NFATC1: variants seen among roughly 807,000 people sequenced by gnomAD.
NFATC1 encodes the protein nuclear factor of activated T-cells, cytoplasmic 1.
A neutral mutation model predicts 76.0 loss-of-function variants in NFATC1; 22 were observed. That is an observed-to-expected ratio of 0.29 (90% CI 0.21 to 0.41). The LOEUF (loss-of-function observed/expected upper bound fraction) is 0.41, where lower values mean the gene tolerates loss of function less well. Ranked by LOEUF, NFATC1 falls within the 10% of genes least tolerant of loss-of-function variation. The pLI, the probability that NFATC1 is intolerant of heterozygous loss-of-function variation, is 1.00. For synonymous variants in NFATC1, 704 were observed against 613.1 expected, an observed-to-expected ratio of 1.15 and a Z score of -2.19; for missense variants, 1,357 against 1,337.7, an observed-to-expected ratio of 1.01 and a Z score of -0.23.
chr18:79,490,250 G>A (rs1393557609), intron 9 of NFATC1, among the ~76,000 whole-genome samples: 1 of 152,152 alleles, frequency 6.6e-6, no homozygotes, highest in Non-Finnish European at 1.5e-5. Context: ...GTCTGGTGCA[G>A]GCCCGGCTCT....
intron 1 of NFATC1, chr18:79,400,256 G>GGGGGC (rs1555896592): frequency 1.0e-5 from 12 of 1,196,488 alleles, no homozygotes; most frequent in Non-Finnish European, 1.2e-5. Context: ...GAAACGCCCC[G>GGGGGC]GGGGGCGGGG....
At chr18:79,494,855 G>C (rs1390260608) in intron 9 of NFATC1, among the ~76,000 whole-genome samples, 10 of 112,938 alleles carry the variant, frequency 8.9e-5, no homozygotes, top group Admixed American at 2.8e-4. Flanking sequence ...AACCTGGTGC[G>C]GCCGGGGGAA....
intron 2 of NFATC1, among the ~76,000 whole-genome samples, chr18:79,431,851 C>T (rs531225027): frequency 5.3e-5 from 8 of 152,258 alleles, no homozygotes; most frequent in African/African-American, 1.9e-4. Context: ...TACAGGCCTC[C>T]GCCACCACGC....
rs148611484 is a variant in NFATC1, at chr18:79,434,364, G to A, written c.1386+626G>A. Among the ~76,000 whole-genome samples the A allele has an allele frequency of 3.6e-3, 553 of 152,354 alleles. 2 individuals are homozygous for A. Among genetic ancestry groups the A allele is most frequent in the African/African-American group, 0.013 (525 of 41,580 alleles). ...TCCTCACACCTTGCGGGAAAGCCAC[G>A]TGGAGTTAGGCTGTCGAGGGAGGGG... On this transcript the variant is annotated intron_variant, in intron 3 of 9. Coordinates refer to ENST00000427363, the MANE Select transcript of NFATC1 (RefSeq NM_001278669.2).
chr18:79,464,704 TTATTTA>T (rs2088370702), intron 7 of NFATC1, among the ~76,000 whole-genome samples: 7 of 76,130 alleles, frequency 9.2e-5, no homozygotes, highest in East Asian at 4.4e-4. Flanking sequence ...ATTTATTTAT[TTATTTA>T]TTTTTTTTTT....
Position 79,411,456 on chromosome 18 carries a change from A to C in NFATC1, c.1181A>C (p.Tyr394Ser). 6.6e-7 allele frequency: 1 copy of C among 1,505,836 alleles called. No homozygotes were observed. 93.3% of individuals were successfully genotyped at this position (1,505,836 alleles called of 1,614,324 possible). Residue 394 changes from tyrosine to serine, a missense_variant, in exon 2 of 10, where the codon TAC becomes TCC. By Grantham distance (144) the Tyr-to-Ser change is moderately radical. Around this residue, in one of 3 missense-constraint regions of NFATC1, gnomAD observed 691 missense variants for 613.1 expected, o/e 1.13. Coordinates refer to ENST00000427363, the MANE Select transcript of NFATC1 (RefSeq NM_001278669.2). The part of the protein sequence containing the change: ...DQYLAVPQHP[Y>S]QWAKPKPLSP... ...TACCTGGCGGTGCCGCAGCACCCCT[A>C]CCAGTGGGCGAAGCCCAAGCCCCTG...
intron 2 of NFATC1, among the ~76,000 whole-genome samples, chr18:79,424,919 GTC>G (rs1179945589): frequency 5.0e-4 from 61 of 123,046 alleles, no homozygotes; most frequent in African/African-American, 1.6e-3. Context: ...CTGTCGCTCT[GTC>G]TCTCTGTGTC....
At chr18:79,445,132 A>T (rs2087152228) in intron 3 of NFATC1, among the ~76,000 whole-genome samples, 1 of 151,838 alleles carries the variant, frequency 6.6e-6, no homozygotes, top group East Asian at 1.9e-4. Flanking sequence ...TTTTGTTTCG[A>T]TTTTTCCTGG....
At chr18:79,484,846 GC>G (rs2089447675) in intron 8 of NFATC1, among the ~76,000 whole-genome samples, 1 of 152,080 alleles carries the variant, frequency 6.6e-6, no homozygotes, top group African/African-American at 2.4e-5. Flanking sequence ...CGGGACCTGT[GC>G]GGGGGGGGAA....
rs192697085 is a variant in NFATC1 at position 79,455,704 on chromosome 18, G to A, written c.1903+3888G>A. 1.6e-4 allele frequency among the ~76,000 whole-genome samples: 24 copies of A among 151,934 alleles called. No homozygotes were observed. In the East Asian group the frequency reaches 3.5e-3, roughly 22 times the overall value. ...TGAGAAACCCCAGACAGCCAGGTTC[G>A]CCCCAAACCCAACATGGTGGGACCC... On this transcript the variant is annotated intron_variant, in intron 6 of 9. Transcript: ENST00000427363.
intron 9 of NFATC1, among the ~76,000 whole-genome samples, chr18:79,525,457 T>G (rs1395279007): frequency 9.1e-5 from 2 of 21,946 alleles, no homozygotes; most frequent in East Asian, 7.3e-4. Flanking sequence ...TACCCCTCAG[T>G]CCTCCCCACG....
intron 9 of NFATC1, among the ~76,000 whole-genome samples, chr18:79,522,524 ACTGATGTGTGTGTCTGTGGGGGGTGTCTG>A: frequency 9.6e-6 from 1 of 104,550 alleles, no homozygotes. Flanking sequence ...GGGTGCGTCC[ACTGATGTGTGTGTCTGTGGGGGGTGTCTG>A]CTGATGTGTG....
At chr18:79,474,208 A>G (rs1242686272) in intron 8 of NFATC1, among the ~76,000 whole-genome samples, 5 of 23,804 alleles carry the variant, frequency 2.1e-4, no homozygotes, top group Non-Finnish European at 3.3e-4. Flanking sequence ...GCGTGTTCTC[A>G]TGCTCACTGT....
intron 5 of NFATC1, 41 bp from the exon 6 acceptor site, chr18:79,451,635 A>C: frequency 6.6e-7 from 1 of 1,509,234 alleles, no homozygotes; most frequent in Non-Finnish European, 8.9e-7. Context: ...CAGGCCGCCC[A>C]CTCAGGACAG....
chr18:79,443,807 C>T (rs187735843), intron 3 of NFATC1, among the ~76,000 whole-genome samples: 218 of 152,364 alleles, frequency 1.4e-3, no homozygotes, highest in African/African-American at 4.8e-3. Context: ...CCCAGGCTGC[C>T]CAGAGACCCC....
At chr18:79,443,810 G>A (rs999107980) in intron 3 of NFATC1, among the ~76,000 whole-genome samples, 48 of 152,352 alleles carry the variant, frequency 3.2e-4, no homozygotes, top group African/African-American at 9.9e-4. Context: ...AGGCTGCCCA[G>A]AGACCCCAGC....
At chr18:79,509,136 G>A (rs1283373899) in intron 9 of NFATC1, among the ~76,000 whole-genome samples, 1 of 152,260 alleles carries the variant, frequency 6.6e-6, no homozygotes, top group Non-Finnish European at 1.5e-5. Context: ...CCGCAGAGGT[G>A]TGTGGGCTCC....
chr18:79,428,953 G>C (rs1268149563), intron 2 of NFATC1, among the ~76,000 whole-genome samples: 1 of 152,028 alleles, frequency 6.6e-6, no homozygotes, highest in East Asian at 1.9e-4. Context: ...GGGCACAGTG[G>C]CTCACGCCTG....
intron 2 of NFATC1, among the ~76,000 whole-genome samples, chr18:79,431,347 T>A (rs1465603655): frequency 6.6e-6 from 1 of 152,236 alleles, no homozygotes; most frequent in African/African-American, 2.4e-5. Context: ...TCTTCTATTC[T>A]GCCCATCGTT....
Sources: gnomAD v4.1 joint callset for allele counts (sites outside exome capture counted in the v4.1 genomes callset) on GRCh38, gnomAD v4.1.1 for gene constraint, gnomAD v4.1.1 regional missense constraint, MANE v1.5 for transcripts, NCBI Gene and HGNC (gene_info 2026-07-23, HGNC 2026-07-21) for gene names.